The following WWC1 variants were observed in gnomAD, a reference collection of about 807,000 sequenced individuals.
WWC1 encodes protein KIBRA.
WWC1 carries 55 observed loss-of-function variants against 138.4 expected under a neutral mutation model. The ratio of observed to expected loss-of-function variants is 0.40; its 90% CI spans 0.32 to 0.50. The LOEUF (loss-of-function observed/expected upper bound fraction) is 0.50, where lower values mean the gene tolerates loss of function less well. WWC1 is among the 20% of genes least tolerant of loss of function. The pLI, the probability that WWC1 is intolerant of heterozygous loss-of-function variation, is 0.72. For synonymous variants in WWC1, 524 were observed against 564.9 expected (o/e 0.93, Z 1.03); for missense variants, 1,226 against 1,420.4 (o/e 0.86, Z 2.20).
chr5:168,397,768 C>T lies in WWC1; in HGVS notation c.478C>T (p.Leu160=). 1.2e-6 allele frequency: 2 copies of T among 1,614,022 alleles called. No individual in the cohort carries two copies. Among genetic ancestry groups the T allele is most frequent in the Non-Finnish European group, 1.7e-6 (2 of 1,179,956 alleles). The part of the protein sequence containing the change: ...SSSSKYDPEI[L]KAEIATAKSR... ...CAGCTCCAAGTATGACCCTGAGATC[C>T]TGAAAGCTGAAATTGCCACTGCAAA... Residue 160 remains leucine (L), a synonymous_variant, in exon 4 of 23, where the codon CTG becomes TTG. Transcript: ENST00000265293.
At chr5:168,364,744 C>G (rs1440321578) in intron 1 of WWC1, among the ~76,000 whole-genome samples, 1 of 152,166 alleles carries the variant, frequency 6.6e-6, no homozygotes, top group Non-Finnish European at 1.5e-5. Flanking sequence ...GGGCAGTGGT[C>G]AGAGGAATAA....
At chr5:168,360,392 G>C (rs1478253169) in intron 1 of WWC1, among the ~76,000 whole-genome samples, 2 of 152,176 alleles carry the variant, frequency 1.3e-5, no homozygotes, top group Non-Finnish European at 2.9e-5. Flanking sequence ...TTAAGCCTCA[G>C]TTTCCTGTTG....
intron 8 of WWC1, among the ~76,000 whole-genome samples, chr5:168,411,072 C>T (rs988047027): frequency 9.2e-5 from 14 of 151,928 alleles, no homozygotes; most frequent in African/African-American, 3.1e-4. Flanking sequence ...ACTACAGGCA[C>T]CCGTCACAAC....
At chr5:168,386,377 C>CTT (rs59691686) in intron 3 of WWC1, among the ~76,000 whole-genome samples, 14,122 of 143,850 alleles carry the variant, frequency 0.098, 899 homozygotes, top group Non-Finnish European at 0.15. Flanking sequence ...TCCCCTTGTT[C>CTT]TTTTTTTTTT....
intron 5 of WWC1, among the ~76,000 whole-genome samples, chr5:168,401,558 C>T (rs1488973934): frequency 6.6e-6 from 1 of 152,132 alleles, no homozygotes. Context: ...TCACGTCTTC[C>T]CACCCCACAA....
At chr5:168,458,924 A>T (rs1756564746) in intron 19 of WWC1, among the ~76,000 whole-genome samples, 1 of 152,160 alleles carries the variant, frequency 6.6e-6, no homozygotes, top group South Asian at 2.1e-4. Context: ...TCGGTAGGAC[A>T]CATATCCTTC....
intron 21 of WWC1, among the ~76,000 whole-genome samples, chr5:168,466,160 T>C (rs1173696766): frequency 6.6e-6 from 1 of 152,192 alleles, no homozygotes; most frequent in East Asian, 1.9e-4. Context: ...TGTATATGGC[T>C]TTAAAAGCTG....
At chr5:168,451,618 T>C (rs889629251) in intron 17 of WWC1, among the ~76,000 whole-genome samples, 1 of 152,032 alleles carries the variant, frequency 6.6e-6, no homozygotes, top group African/African-American at 2.4e-5. Flanking sequence ...GGAGAATCAA[T>C]CACCTGAGCC....
In WWC1 at chr5:168,427,979, T is replaced by C; in HGVS notation, c.1811-54T>C. On this transcript the variant is annotated intron_variant, in intron 11 of 22. Transcript: ENST00000265293. The stretch of plus-strand genomic sequence containing the variant: ...CTCAAAAACAAAACAAAATTGGGAG[T>C]CGCAAAGGCAGTTTCCTGGTTCCTG... 9 of 1,498,228 alleles carry C rather than the reference T, an allele frequency of 6.0e-6. 1 individual carries two copies. In the South Asian group the frequency reaches 1.0e-4, roughly 17 times the overall value. The allele number at this position is 1,498,228 out of a possible 1,614,324, so 92.8% of individuals were successfully genotyped here.
chr5:168,326,694 G>A (rs946549955), intron 1 of WWC1, among the ~76,000 whole-genome samples: 5 of 151,628 alleles, frequency 3.3e-5, no homozygotes, highest in East Asian at 2.0e-4. Context: ...ACAGGCACGC[G>A]CCACCATGCT....
chr5:168,348,941 A>G (rs1484562630), intron 1 of WWC1, among the ~76,000 whole-genome samples: 1 of 152,128 alleles, frequency 6.6e-6, no homozygotes, highest in African/African-American at 2.4e-5. Flanking sequence ...CATAATGCCT[A>G]CTGCTGTACA....
intron 6 of WWC1, among the ~76,000 whole-genome samples, chr5:168,407,693 G>A (rs1582188413): frequency 6.6e-6 from 1 of 152,120 alleles, no homozygotes; most frequent in Non-Finnish European, 1.5e-5. Flanking sequence ...GCTTCTCATC[G>A]ATAAATTGGG....
intron 1 of WWC1, among the ~76,000 whole-genome samples, chr5:168,309,419 G>C (rs1473631362): frequency 2.0e-5 from 3 of 152,084 alleles, no homozygotes; most frequent in Non-Finnish European, 4.4e-5. Flanking sequence ...TTACAACATA[G>C]GCATGGTTCC....
intron 1 of WWC1, among the ~76,000 whole-genome samples, chr5:168,355,434 C>T (rs1775319468): frequency 7.2e-6 from 1 of 138,050 alleles, no homozygotes; most frequent in Non-Finnish European, 1.5e-5. Flanking sequence ...GTAAAGGTTG[C>T]AGTGAGCTGA....
At chr5:168,405,858 C>G (rs1779743075) in intron 5 of WWC1, among the ~76,000 whole-genome samples, 1 of 152,132 alleles carries the variant, frequency 6.6e-6, no homozygotes, top group African/African-American at 2.4e-5. Flanking sequence ...TCTCAGGCAG[C>G]TGGAATTACA....
At chr5:168,417,905 C>T (rs1015765542) in intron 9 of WWC1, among the ~76,000 whole-genome samples, 18 of 152,162 alleles carry the variant, frequency 1.2e-4, no homozygotes, top group African/African-American at 2.7e-4. Context: ...ACGGGAAAGC[C>T]GCCCCAGCTG....
chr5:168,400,581 G>A (rs905268139), intron 5 of WWC1, among the ~76,000 whole-genome samples: 2 of 152,200 alleles, frequency 1.3e-5, no homozygotes, highest in African/African-American at 2.4e-5. Flanking sequence ...ACACTGTAAG[G>A]AATGCTTTGT....
chr5:168,422,975 C>T (rs6876338), intron 10 of WWC1, among the ~76,000 whole-genome samples: 1 of 151,450 alleles, frequency 6.6e-6, no homozygotes, highest in African/African-American at 2.4e-5. Flanking sequence ...GTGAAACCCC[C>T]TCTCTACTAA....
At chr5:168,411,927 G>T in intron 8 of WWC1, 1 of 961,770 alleles carries the variant, frequency 1.0e-6, no homozygotes, top group Non-Finnish European at 1.2e-6. Flanking sequence ...AAGACAAATT[G>T]GAATATTATT....
Sources: allele counts gnomAD v4.1 joint callset (sites outside exome capture counted in the v4.1 genomes callset), GRCh38; gene constraint gnomAD v4.1.1; transcripts MANE v1.5; gene names NCBI Gene and HGNC (gene_info 2026-07-23, HGNC 2026-07-21).